The following RAPGEF4 variants were observed in gnomAD, a reference collection of about 807,000 sequenced individuals.
The protein encoded by RAPGEF4 is Rap guanine nucleotide exchange factor 4, also known as RAP guanine-nucleotide-exchange factor (GEF) 4.
Under a neutral mutation model 147.9 loss-of-function variants are expected in RAPGEF4, and 66 were observed. The observed-to-expected ratio is 0.45, with a 90% confidence interval of 0.37 to 0.55. The LOEUF (loss-of-function observed/expected upper bound fraction) is 0.55. RAPGEF4 is among the 20% of genes least tolerant of loss of function. The pLI, the probability that RAPGEF4 is intolerant of heterozygous loss-of-function variation, is 0.00. For missense variants in RAPGEF4, 1,071 were observed against 1,257.3 expected (o/e 0.85, Z 2.24); for synonymous variants, 419 against 442.7 (o/e 0.95, Z 0.67).
At chr2:172,948,791 G>A (rs1687933566) in intron 6 of RAPGEF4, among the ~76,000 whole-genome samples, 1 of 151,994 alleles carries the variant, frequency 6.6e-6, no homozygotes, top group African/African-American at 2.4e-5. Flanking sequence ...AACACACACT[G>A]GGGCCTATTG....
intron 4 of RAPGEF4, among the ~76,000 whole-genome samples, chr2:172,865,323 G>A (rs1485785098): frequency 1.3e-5 from 2 of 152,140 alleles, no homozygotes; most frequent in East Asian, 3.8e-4. Context: ...TACCATGCAA[G>A]ATTTCAGCTT....
chr2:172,738,426 A>G (rs1201710631), intron 1 of RAPGEF4, among the ~76,000 whole-genome samples: 1 of 152,096 alleles, frequency 6.6e-6, no homozygotes, highest in Non-Finnish European at 1.5e-5. Context: ...TTTAATGGAG[A>G]TGTATAAAGT....
At chr2:173,025,783 A>G (rs143696413) in intron 23 of RAPGEF4, among the ~76,000 whole-genome samples, 113 of 152,368 alleles carry the variant, frequency 7.4e-4, no homozygotes, top group African/African-American at 2.6e-3. Context: ...TGTGTTGCCT[A>G]TTTATATATA....
chr2:172,811,260 G>A (rs16823271), intron 3 of RAPGEF4, among the ~76,000 whole-genome samples: 12,267 of 152,322 alleles, frequency 0.081, 647 homozygotes, highest in East Asian at 0.23. Context: ...GATGACATCA[G>A]GGGTGAGTGC....
At chr2:172,879,754 A>T (rs1449251887) in intron 4 of RAPGEF4, among the ~76,000 whole-genome samples, 1 of 152,174 alleles carries the variant, frequency 6.6e-6, no homozygotes, top group Non-Finnish European at 1.5e-5. Flanking sequence ...GTGAGCCGTG[A>T]TCATACCACT....
chr2:172,810,468 T>C (rs1014520761), intron 3 of RAPGEF4, among the ~76,000 whole-genome samples: 8 of 152,172 alleles, frequency 5.3e-5, no homozygotes, highest in Admixed American at 5.2e-4. Context: ...TGCTGCACAA[T>C]GGGACTAAGG....
intron 4 of RAPGEF4, among the ~76,000 whole-genome samples, chr2:172,862,317 T>C (rs1694136594): frequency 6.6e-6 from 1 of 152,254 alleles, no homozygotes; most frequent in South Asian, 2.1e-4. Context: ...TGGGACCGGG[T>C]CAGAAGGAAG....
chr2:172,818,489 C>A (rs1012307562), intron 4 of RAPGEF4, among the ~76,000 whole-genome samples: 1 of 152,114 alleles, frequency 6.6e-6, no homozygotes, highest in East Asian at 1.9e-4. Context: ...AAATTAGAGA[C>A]CCTGAATCAG....
chr2:172,816,800 G>C (rs1688558561), intron 4 of RAPGEF4, among the ~76,000 whole-genome samples: 1 of 152,194 alleles, frequency 6.6e-6, no homozygotes, highest in Non-Finnish European at 1.5e-5. Context: ...ATAGTTTTTA[G>C]TCTGACCTCT....
chr2:172,739,921 G>A (rs1009011376), intron 1 of RAPGEF4, among the ~76,000 whole-genome samples: 3 of 152,200 alleles, frequency 2.0e-5, no homozygotes, highest in Non-Finnish European at 4.4e-5. Context: ...GCTAAGAATG[G>A]TTTTCACATT....
rs1172481495 is a variant in RAPGEF4 at position 172,776,664 on chromosome 2, A to G, written c.66-18361A>G. Among the ~76,000 whole-genome samples the G allele has an allele frequency of 2.6e-5, 4 of 151,650 alleles. No homozygotes were observed. The East Asian group carries it at 5.8e-4, about 22-fold the overall frequency. ...CTGTGCTTTACTTCAGATAATTTCT[A>G]TTGCCTGCCTTGAGGTTCAGTTATC... On this transcript the variant is annotated intron_variant, in intron 1 of 30. Coordinates refer to ENST00000397081, the MANE Select transcript of RAPGEF4 (RefSeq NM_007023.4).
intron 17 of RAPGEF4, among the ~76,000 whole-genome samples, chr2:173,004,751 A>G (rs779625947): frequency 5.9e-5 from 9 of 152,060 alleles, no homozygotes; most frequent in Non-Finnish European, 1.2e-4. Context: ...CACCATTAAT[A>G]AATTTGTTTT....
At chr2:172,910,312 G>A (rs2150001664) in intron 4 of RAPGEF4, among the ~76,000 whole-genome samples, 1 of 152,292 alleles carries the variant, frequency 6.6e-6, no homozygotes, top group South Asian at 2.1e-4. Flanking sequence ...AATAGTGTCT[G>A]CACACCACTT....
At chr2:172,971,680 G>A (rs1459621042) in intron 10 of RAPGEF4, among the ~76,000 whole-genome samples, 2 of 152,066 alleles carry the variant, frequency 1.3e-5, no homozygotes, top group African/African-American at 4.8e-5. Context: ...TCTGAGAGAT[G>A]GGAAAGTGAA....
At chr2:172,813,923 A>G (rs968349689) in intron 3 of RAPGEF4, among the ~76,000 whole-genome samples, 1 of 152,200 alleles carries the variant, frequency 6.6e-6, no homozygotes, top group African/African-American at 2.4e-5. Flanking sequence ...ACATGGATGA[A>G]TCTTACAGAC....
rs529737789 is a variant in RAPGEF4 at position 172,960,911 on chromosome 2, G to A, written c.591+98G>A. On this transcript the variant is annotated intron_variant, in intron 7 of 30. Coordinates refer to ENST00000397081, the MANE Select transcript of RAPGEF4 (RefSeq NM_007023.4). ...CAGGGGATCACATCAGGAAGCCTCT[G>A]ATACATTTTCTAGAGACAGGAAATA... The A allele has an allele frequency of 6.6e-6, 7 of 1,063,310 alleles. No individual in the cohort carries two copies. In the African/African-American group the frequency reaches 1.1e-4, roughly 17 times the overall value. The allele number at this position is 1,063,310 out of a possible 1,614,324, so 65.9% of individuals were successfully genotyped here.
At chr2:172,899,241 A>T (rs890013530) in intron 4 of RAPGEF4, among the ~76,000 whole-genome samples, 2 of 152,204 alleles carry the variant, frequency 1.3e-5, no homozygotes, top group Non-Finnish European at 2.9e-5. Flanking sequence ...TTCTTCTAGT[A>T]CTATAGAGAT....
At chr2:172,889,017 C>T (rs561823405) in intron 4 of RAPGEF4, among the ~76,000 whole-genome samples, 2 of 152,232 alleles carry the variant, frequency 1.3e-5, no homozygotes, top group South Asian at 2.1e-4. Context: ...GGGAAAGACA[C>T]AGAGAAGAGG....
Position 173,026,547 on chromosome 2 carries a change from T to A in RAPGEF4, c.2254-25T>A, listed in dbSNP as rs1421791317. Reference sequence around the variant, plus strand: ...ATACTTGTCTGTGTTGAGTTTCTGATATGTTTTTGCATTATTATTCATAGA... The same window carrying A: ...ATACTTGTCTGTGTTGAGTTTCTGAAATGTTTTTGCATTATTATTCATAGA... On this transcript the variant is annotated intron_variant, in intron 23 of 30. Transcript: ENST00000397081. The A allele has an allele frequency of 2.5e-6, 4 of 1,607,040 alleles. No homozygotes were observed. The African/African-American group carries it at 5.4e-5, about 22-fold the overall frequency.
Sources: gnomAD v4.1 joint callset for allele counts (sites outside exome capture counted in the v4.1 genomes callset) on GRCh38, gnomAD v4.1.1 for gene constraint, MANE v1.5 for transcripts, NCBI Gene and HGNC (gene_info 2026-07-23, HGNC 2026-07-21) for gene names.